The following KCNQ1OT1 variants were observed in gnomAD, a reference collection of about 807,000 sequenced individuals.
KCNQ1OT1 encodes KCNQ1 antisense RNA 2 (non-protein coding).
exon 1 of KCNQ1OT1, chr11:2,639,896 C>G (rs998498718): frequency 1.3e-5 from 2 of 153,636 alleles, no homozygotes; most frequent in Non-Finnish European, 2.9e-5. Flanking sequence ...TTTACCTACT[C>G]AAGCCTCAGC....
exon 1 of KCNQ1OT1, chr11:2,684,182 G>A: frequency 2.5e-6 from 1 of 398,666 alleles, no homozygotes; most frequent in Non-Finnish European, 4.4e-6. Context: ...AGCGCCCACT[G>A]GGGCTTGGTC....
exon 1 of KCNQ1OT1, chr11:2,637,327 A>C (rs1849488102): frequency 6.6e-6 from 1 of 152,182 alleles, no homozygotes; most frequent in South Asian, 2.1e-4. Flanking sequence ...TTAGTGCTAT[A>C]AATTTCCCTC....
At chr11:2,629,683 C>G in exon 1 of KCNQ1OT1, 1 of 398,368 alleles carries the variant, frequency 2.5e-6, no homozygotes, top group Non-Finnish European at 4.4e-6. Context: ...CTTTTTGATG[C>G]TATTTTAAAT....
At position 2,647,232 on chromosome 11, in the gene KCNQ1OT1, C is replaced by G. The variant is rs1849680060; in HGVS notation, n.52763G>C. On this transcript the variant is annotated non_coding_transcript_exon_variant, in exon 1 of 1. Transcript: ENST00000597346. This position sits in a 1 kb window ranked among gnomAD's most constrained non-coding sequence, Gnocchi z 4.0. Reference sequence around the variant, plus strand: ...CTTTTTCTGCATCTATTGAGATGATCATGTATTTTTTTGTCCTTCCTTCTG... The same window carrying G: ...CTTTTTCTGCATCTATTGAGATGATGATGTATTTTTTTGTCCTTCCTTCTG... 2.5e-6 allele frequency: 1 copy of G among 398,214 alleles called. No homozygotes were observed. Among genetic ancestry groups the G allele is most frequent in the African/African-American group, 2.1e-5 (1 of 48,664 alleles). 24.7% of individuals were successfully genotyped at this position (398,214 alleles called of 1,614,324 possible).
chr11:2,648,439 G>T (rs751397365), exon 1 of KCNQ1OT1: 2 of 398,146 alleles, frequency 5.0e-6, no homozygotes, highest in African/African-American at 4.1e-5. Context: ...CACTTCTTTT[G>T]TTGTACCCTA....
At chr11:2,685,798 T>C in exon 1 of KCNQ1OT1, 1 of 398,640 alleles carries the variant, frequency 2.5e-6, no homozygotes, top group Non-Finnish European at 4.4e-6. Flanking sequence ...ACAGTCAGCG[T>C]TCCTGAGAAT....
chr11:2,692,559 CT>C, exon 1 of KCNQ1OT1: 2 of 398,834 alleles, frequency 5.0e-6, no homozygotes, highest in East Asian at 7.1e-5. Context: ...GCCCCTGCCA[CT>C]TTCCCCAAGG....
chr11:2,675,823 C>A (rs994261964), exon 1 of KCNQ1OT1: 6 of 398,602 alleles, frequency 1.5e-5, no homozygotes, highest in Non-Finnish European at 2.2e-5. Context: ...CAGGGCTGCA[C>A]ACTGCCCTAC....
exon 1 of KCNQ1OT1, chr11:2,684,659 T>C: frequency 2.5e-6 from 1 of 398,642 alleles, no homozygotes; most frequent in Non-Finnish European, 4.4e-6. Context: ...AAGAAAGGCT[T>C]GTTGGATGTG....
In KCNQ1OT1 at chr11:2,611,883, G is replaced by A. The variant is rs1232935511; in HGVS notation, n.88112C>T. 1 of 398,204 alleles carries A rather than the reference G, an allele frequency of 2.5e-6. No individual in the cohort carries two copies. Among genetic ancestry groups the A allele is most frequent in the African/African-American group, 2.1e-5 (1 of 48,538 alleles). The allele number at this position is 398,204 out of a possible 1,614,324, so 24.7% of individuals were successfully genotyped here. ...AGTTTATTTCCCCCATTTTTAAAGT[G>A]TAATCTGGAGGTTACAATAAGCAGC... On this transcript the variant is annotated non_coding_transcript_exon_variant, in exon 1 of 1. Coordinates refer to ENST00000597346, the Ensembl canonical transcript of KCNQ1OT1. This position sits in a 1 kb window ranked among gnomAD's most constrained non-coding sequence, Gnocchi z 5.3.
Position 2,698,652 on chromosome 11 carries a change from C to T in KCNQ1OT1, n.1343G>A. The T allele has an allele frequency of 2.5e-6, 1 of 398,712 alleles. No individual in the cohort carries two copies. Among genetic ancestry groups the T allele is most frequent in the Non-Finnish European group, 4.4e-6 (1 of 226,088 alleles). The allele number at this position is 398,712 out of a possible 1,614,324, so 24.7% of individuals were successfully genotyped here. A position where few individuals can be genotyped will look rare whatever the true frequency, so the allele number is the denominator to read the frequency against. On this transcript the variant is annotated non_coding_transcript_exon_variant, in exon 1 of 1. Coordinates refer to ENST00000597346, the Ensembl canonical transcript of KCNQ1OT1. The surrounding 1 kb of genome is among the most constrained non-coding windows in gnomAD (Gnocchi z 5.1). ...TGAGACCTCTAACCCCAATCCCAAT[C>T]TCTTAACTCAGAGCCCCCCATTCAG...
chr11:2,659,638 G>T lies in KCNQ1OT1; in HGVS notation n.40357C>A. ...GGGAAAGGAACCGATAGGTCATGTG[G>T]TATGTGTATGTTTAACTTAATAAGA... On this transcript the variant is annotated non_coding_transcript_exon_variant, in exon 1 of 1. Coordinates refer to ENST00000597346, the Ensembl canonical transcript of KCNQ1OT1. The surrounding 1 kb of genome is among the most constrained non-coding windows in gnomAD (Gnocchi z 4.3). The T allele has an allele frequency of 2.5e-6, 1 of 398,506 alleles. No individual in the cohort carries two copies. The highest frequency in any genetic ancestry group is 2.1e-5 in the African/African-American group (1 of 48,750). 24.7% of individuals were successfully genotyped at this position (398,506 alleles called of 1,614,324 possible).
exon 1 of KCNQ1OT1, chr11:2,646,090 A>C (rs1849661220): frequency 2.5e-6 from 1 of 397,350 alleles, no homozygotes; most frequent in Non-Finnish European, 4.4e-6. Flanking sequence ...AGACTGCCTG[A>C]CTCCCCTCTT....
At chr11:2,699,720 C>A in exon 1 of KCNQ1OT1, 1 of 332,938 alleles carries the variant, frequency 3.0e-6, no homozygotes, top group Non-Finnish European at 5.2e-6. Flanking sequence ...GCCGAGGAGT[C>A]CCCGGGGAGA....
At chr11:2,646,560 CTG>C in exon 1 of KCNQ1OT1, 3 of 398,652 alleles carry the variant, frequency 7.5e-6, no homozygotes, top group Non-Finnish European at 1.3e-5. Context: ...GGGTCTCACT[CTG>C]TTGCCCAGGC....
At chr11:2,662,226 A>G (rs1247412027) in exon 1 of KCNQ1OT1, 3 of 1,043,178 alleles carry the variant, frequency 2.9e-6, no homozygotes, top group Admixed American at 4.2e-5. Context: ...CCTGGCCCCA[A>G]CACGGAGGCA....
Position 2,668,722 on chromosome 11 carries a change from T to A in KCNQ1OT1, n.31273A>T. The A allele has an allele frequency of 7.5e-6, 3 of 398,634 alleles. No individual in the cohort carries two copies. Among genetic ancestry groups the A allele is most frequent in the East Asian group, 3.6e-5 (1 of 28,078 alleles). The allele number at this position is 398,634 out of a possible 1,614,324, so 24.7% of individuals were successfully genotyped here. A position where few individuals can be genotyped will look rare whatever the true frequency, so the allele number is the denominator to read the frequency against. On this transcript the variant is annotated non_coding_transcript_exon_variant, in exon 1 of 1. Transcript: ENST00000597346. This position sits in a 1 kb window ranked among gnomAD's most constrained non-coding sequence, Gnocchi z 4.3. ...CACACTCTCTCACAGACACACACATTGCAAATATCGCCTCCCCCTCTGCAG... is the reference window on the plus strand; with the variant it reads ...CACACTCTCTCACAGACACACACATAGCAAATATCGCCTCCCCCTCTGCAG...
chr11:2,631,887 G>A (rs1318606420), exon 1 of KCNQ1OT1: 4 of 397,980 alleles, frequency 1.0e-5, no homozygotes, highest in Non-Finnish European at 1.8e-5. Flanking sequence ...TTAATGTATA[G>A]AAATGCAACT....
Position 2,678,438 on chromosome 11 carries a change from T to C in KCNQ1OT1, n.21557A>G. 2.5e-6 allele frequency: 1 copy of C among 398,628 alleles called. No individual in the cohort carries two copies. Among genetic ancestry groups the C allele is most frequent in the Non-Finnish European group, 4.4e-6 (1 of 226,060 alleles). The allele number at this position is 398,628 out of a possible 1,614,324, so 24.7% of individuals were successfully genotyped here. On this transcript the variant is annotated non_coding_transcript_exon_variant, in exon 1 of 1. Coordinates refer to ENST00000597346, the Ensembl canonical transcript of KCNQ1OT1. This position sits in a 1 kb window ranked among gnomAD's most constrained non-coding sequence, Gnocchi z 4.9. ...CTATTTATTTGAGTACATCATCATC[T>C]CTCTACTAATTTCAACTGCTACCTT...
Sources: allele counts gnomAD v4.1 joint callset, GRCh38; gene constraint gnomAD v4.1.1; non-coding constraint Gnocchi (gnomAD v3.1); transcripts MANE v1.5; gene names NCBI Gene and HGNC (gene_info 2026-07-23, HGNC 2026-07-21).